Variants in UNC45B observed in about 807,000 individuals in gnomAD.
The protein encoded by UNC45B is unc-45 myosin chaperone B.
In UNC45B, 78 loss-of-function variants were observed where a neutral mutation model predicts 98.7. The observed-to-expected ratio is 0.79, with a 90% CI of 0.66 to 0.95. The LOEUF is 0.95. Ranked by LOEUF, UNC45B falls within the 40% of genes least tolerant of loss-of-function variation. UNC45B has a pLI of 0.00. For missense variants in UNC45B, 1,225 were observed against 1,184.9 expected, an observed-to-expected ratio of 1.03 and a Z score of -0.50; for synonymous variants, 462 against 480.4, an observed-to-expected ratio of 0.96 and a Z score of 0.50.
chr17:35,170,251 C>G lies in UNC45B; in HGVS notation c.1685C>G (p.Ala562Gly). ...GCCCTGCAGGCCATGTTTGAGCTGG[C>G]CAAGGCAGGTGTCGGGGAGTCTGGC... is the stretch of plus-strand genomic sequence containing the variant. Reference protein sequence around the residue: ...VPALQAMFELAKTSDKTILYS... With the variant: ...VPALQAMFELGKTSDKTILYS... Residue 562 changes from alanine (A) to glycine (G), a missense_variant, in exon 12 of 20, where the codon GCC becomes GGC. Physicochemically the swap from Ala to Gly is moderately conservative, Grantham distance 60. Coordinates refer to ENST00000394570, the MANE Select transcript of UNC45B (RefSeq NM_001267052.2). 1.9e-6 allele frequency: 3 copies of G among 1,605,758 alleles called. No individual in the cohort carries two copies. In the South Asian group the frequency reaches 3.3e-5, roughly 18 times the overall value.
intron 13 of UNC45B, among the ~76,000 whole-genome samples, chr17:35,173,125 CT>C (rs11428951): frequency 0.15 from 19,185 of 125,788 alleles, 1,078 homozygotes; most frequent in East Asian, 0.23. Context: ...AATTTTTATA[CT>C]TTTTTTTTTT....
Position 35,158,633 on chromosome 17 carries a change from C to G in UNC45B, c.809-742C>G, listed in dbSNP as rs533494729. Among the ~76,000 whole-genome samples the G allele has an allele frequency of 4.3e-4, 66 of 152,348 alleles. 1 individual carries two copies. Among genetic ancestry groups the G allele is most frequent in the African/African-American group, 1.4e-3 (60 of 41,584 alleles). On this transcript the variant is annotated intron_variant, in intron 7 of 19. Coordinates refer to ENST00000394570, the MANE Select transcript of UNC45B (RefSeq NM_001267052.2). ...ATCCCCTTGTAGCTTCCATCTGCCT[C>G]TGGTCCAAAGTCTGCCCTCTGGAGC...
rs1022198199 is a variant in UNC45B at position 35,155,237 on chromosome 17, G to T, written c.640-59G>T. The T allele has an allele frequency of 4.0e-5, 63 of 1,589,712 alleles. No homozygotes were observed. In the Admixed American group the frequency reaches 1.0e-3, roughly 25 times the overall value. On this transcript the variant is annotated intron_variant, in intron 6 of 19. Coordinates refer to ENST00000394570, the MANE Select transcript of UNC45B (RefSeq NM_001267052.2). Reference sequence around the variant, plus strand: ...AGGATTATCACACCCTCTCTAACCTGCATGGCAGCTAGAAGGGAGGGGCAA... The same window carrying T: ...AGGATTATCACACCCTCTCTAACCTTCATGGCAGCTAGAAGGGAGGGGCAA...
chr17:35,159,909 T>C (rs942402696), intron 8 of UNC45B, among the ~76,000 whole-genome samples: 3 of 152,212 alleles, frequency 2.0e-5, no homozygotes, highest in Non-Finnish European at 1.5e-5. Context: ...AAGTATAGTT[T>C]ATATAAAGCA....
At chr17:35,157,391 G>C (rs930668763) in intron 7 of UNC45B, among the ~76,000 whole-genome samples, 1 of 152,076 alleles carries the variant, frequency 6.6e-6, no homozygotes, top group African/African-American at 2.4e-5. Flanking sequence ...TAGTAGAGAC[G>C]GGGTTTTACC....
rs1185775358 is a variant in UNC45B, at chr17:35,151,835, AC to A, written c.382-1057del. ...AGCACAAGGCTGGGTGTGGTGGCTC[AC>A]GCCTGTAATCCCAGCACTTTGGGAG... On this transcript the variant is annotated intron_variant, in intron 4 of 19. Transcript: ENST00000394570. Among the ~76,000 whole-genome samples the A allele has an allele frequency of 4.6e-5, 7 of 152,322 alleles. No individual in the cohort carries two copies. In the East Asian group the frequency reaches 1.2e-3, roughly 25 times the overall value.
At position 35,175,979 on chromosome 17, in the gene UNC45B, C is replaced by A. The variant is rs2092230018; in HGVS notation, c.1970C>A (p.Ala657Glu). The A allele has an allele frequency of 1.9e-6, 3 of 1,613,996 alleles. No homozygotes were observed. Among genetic ancestry groups the A allele is most frequent in the Non-Finnish European group, 2.5e-6 (3 of 1,180,012 alleles). Reference sequence around the variant, plus strand: ...TCTCGGTCCCACAGGGTATTCCTGGCACTGTGTGACAACCCAAAGGACCGA... The same window carrying A: ...TCTCGGTCCCACAGGGTATTCCTGGAACTGTGTGACAACCCAAAGGACCGA... ...TKELLARVFL[A>E]LCDNPKDRGT... Residue 657 changes from alanine to glutamate, a missense_variant, in exon 15 of 20, where the codon GCA (alanine) becomes GAA (glutamate). By Grantham distance (107) the Ala-to-Glu change is moderately radical. Coordinates refer to ENST00000394570, the MANE Select transcript of UNC45B (RefSeq NM_001267052.2).
intron 19 of UNC45B, among the ~76,000 whole-genome samples, chr17:35,185,672 T>C (rs1170497829): frequency 6.6e-6 from 1 of 152,084 alleles, no homozygotes; most frequent in African/African-American, 2.4e-5. Context: ...GCACTTACTG[T>C]GCTCCAGCCT....
chr17:35,148,462 G>C (rs780119704), intron 2 of UNC45B, 31 bp downstream of exon 2: 6 of 1,605,230 alleles, frequency 3.7e-6, no homozygotes, highest in Non-Finnish European at 5.1e-6. Context: ...CAGGGTGGGA[G>C]TGAGGCAGAG....
At chr17:35,174,197 T>C (rs917911626) in intron 13 of UNC45B, 45 bp from the exon 14 acceptor site, 1 of 1,613,256 alleles carries the variant, frequency 6.2e-7, no homozygotes, top group Non-Finnish European at 8.5e-7. Flanking sequence ...CCGATTGGCC[T>C]GGCACCCAGG....
intron 3 of UNC45B, 147 bp downstream of exon 3, chr17:35,149,156 CAT>C (rs1217282698): frequency 1.2e-5 from 12 of 1,009,590 alleles, no homozygotes; most frequent in Non-Finnish European, 1.6e-5. Flanking sequence ...GGACTGGAAA[CAT>C]ATCCTGTGAA....
rs777504541 is a variant in UNC45B at position 35,177,090 on chromosome 17, C to T, written c.2099C>T (p.Ala700Val). ...GCAGCCCACGCTCTAGCAAAGATCGCTGCTGTCTCCAATCCGGACATTGCT... is the reference window on the plus strand; with the variant it reads ...GCAGCCCACGCTCTAGCAAAGATCGTTGCTGTCTCCAATCCGGACATTGCT... ...VKAAHALAKI[A>V]AVSNPDIAFP... Residue 700 changes from alanine to valine, a missense_variant, in exon 16 of 20, where the codon GCT (alanine) becomes GTT (valine). By Grantham distance (64) the Ala-to-Val change is moderately conservative. Coordinates refer to ENST00000394570, the MANE Select transcript of UNC45B (RefSeq NM_001267052.2). 1 of 1,614,086 alleles carries T rather than the reference C, an allele frequency of 6.2e-7. No homozygotes were observed. Among genetic ancestry groups the T allele is most frequent in the African/African-American group, 1.3e-5 (1 of 74,914 alleles).
At chr17:35,178,115 G>C (rs940912327) in intron 17 of UNC45B, among the ~76,000 whole-genome samples, 1 of 152,094 alleles carries the variant, frequency 6.6e-6, no homozygotes, top group Non-Finnish European at 1.5e-5. Context: ...GGCCAAGCTG[G>C]TCTCAAACTC....
intron 9 of UNC45B, among the ~76,000 whole-genome samples, chr17:35,166,329 A>AC (rs1165799346): frequency 6.6e-6 from 1 of 151,956 alleles, no homozygotes; most frequent in East Asian, 1.9e-4. Context: ...CTCCTTCTCT[A>AC]CCCCACGGCT....
In UNC45B at chr17:35,155,299, A is replaced by G. The variant is rs1028223455; in HGVS notation, c.643A>G (p.Thr215Ala). The G allele has an allele frequency of 6.2e-7, 1 of 1,613,846 alleles. No homozygotes were observed. Among genetic ancestry groups the G allele is most frequent in the Admixed American group, 1.7e-5 (1 of 60,026 alleles). The change falls in exon 7 of 20, where the codon ACA becomes GCA. Residue 215 changes from threonine to alanine, a missense_variant. Coordinates refer to ENST00000394570, the MANE Select transcript of UNC45B (RefSeq NM_001267052.2). Reference sequence around the variant, plus strand: ...ATGGTTCTTGCTGGGGTTCTAGGCCACAGTGATTCTGCATGCAGTGCGGAT... The same window carrying G: ...ATGGTTCTTGCTGGGGTTCTAGGCCGCAGTGATTCTGCATGCAGTGCGGAT... ...GMCSGHQARATVILHAVRIDR... is the reference protein window; with the variant it reads ...GMCSGHQARAAVILHAVRIDR...
intron 10 of UNC45B, among the ~76,000 whole-genome samples, chr17:35,168,955 C>T (rs961509033): frequency 6.6e-6 from 1 of 152,122 alleles, no homozygotes; most frequent in Non-Finnish European, 1.5e-5. Context: ...GATCCACCCC[C>T]CTGGGCCTCC....
At chr17:35,155,229 T>C (rs2092050402) in intron 6 of UNC45B, 67 bp from the exon 7 acceptor site, 3 of 1,579,476 alleles carry the variant, frequency 1.9e-6, no homozygotes, top group Non-Finnish European at 2.6e-6. Flanking sequence ...TCACACCCTC[T>C]CTAACCTGCA....
In UNC45B at chr17:35,186,358, A is replaced by C. The variant is rs150349130; in HGVS notation, c.2589A>C (p.Gln863His). 1.2e-6 allele frequency: 2 copies of C among 1,614,062 alleles called. No individual in the cohort carries two copies. The highest frequency in any genetic ancestry group is 1.7e-6 in the Non-Finnish European group (2 of 1,180,030). ...RLCLHDQLSV[Q>H]HRGLVIAYNL... ...GCCTGCACGACCAGCTGTCTGTCCA[A>C]CACCGGGGCCTGGTCATTGCCTACA... The change falls in exon 20 of 20, where the codon CAA (glutamine) becomes CAC (histidine). Residue 863 changes from glutamine (Q) to histidine (H), a missense_variant. Physicochemically the swap from Gln to His is conservative, Grantham distance 24. Coordinates refer to ENST00000394570, the MANE Select transcript of UNC45B (RefSeq NM_001267052.2).
chr17:35,173,784 C>G (rs1168285339), intron 13 of UNC45B, among the ~76,000 whole-genome samples: 1 of 151,294 alleles, frequency 6.6e-6, no homozygotes, highest in African/African-American at 2.4e-5. Context: ...TAAGGTCCCA[C>G]GTTCACAGGT....
Sources: gnomAD v4.1 joint callset for allele counts (sites outside exome capture counted in the v4.1 genomes callset) on GRCh38, gnomAD v4.1.1 for gene constraint, MANE v1.5 for transcripts, NCBI Gene and HGNC (gene_info 2026-07-23, HGNC 2026-07-21) for gene names.